SYMPK: variants seen among roughly 807,000 people sequenced by gnomAD.
The protein encoded by SYMPK is symplekin.
SYMPK carries 49 observed loss-of-function variants against 136.4 expected under a neutral mutation model. The ratio of observed to expected loss-of-function variants is 0.36; its 90% CI spans 0.29 to 0.46. The LOEUF is 0.46. Ranked by LOEUF, SYMPK falls within the 20% of genes least tolerant of loss-of-function variation. The pLI is 1.00. For synonymous variants in SYMPK, 766 were observed against 713.0 expected, an observed-to-expected ratio of 1.07 and a Z score of -1.19; for missense variants, 1,365 against 1,690.0, an observed-to-expected ratio of 0.81 and a Z score of 3.37.
At chr19:45,830,259 G>T (rs898998389) in intron 12 of SYMPK, 55 bp from the exon 13 acceptor site, 14 of 1,556,172 alleles carry the variant, frequency 9.0e-6, no homozygotes. Context: ...GCAAAGGCCT[G>T]TCTGGTGACT....
In SYMPK at chr19:45,817,417, C is replaced by T. The variant is rs1172459923; in HGVS notation, c.3082-443G>A. Among the ~76,000 whole-genome samples, 175 of 108,460 alleles carry T rather than the reference C, an allele frequency of 1.6e-3. 1 individual carries two copies. The highest frequency in any genetic ancestry group is 5.7e-3 in the African/African-American group (160 of 28,258). 71.2% of individuals were successfully genotyped at this position (108,460 alleles called of 152,430 possible). ...CTGCGGGGTTTGGTTTTTTTGTTCT[C>T]TTTTTTTTTTTTTTTTTTTTTTTTT... On this transcript the variant is annotated intron_variant, in intron 23 of 26. Transcript: ENST00000245934.
At chr19:45,824,254 G>A (rs766578428) in intron 18 of SYMPK, 43 of 221,656 alleles carry the variant, frequency 1.9e-4, no homozygotes, top group Non-Finnish European at 3.4e-4. Flanking sequence ...TTGGCTGCGA[G>A]CCCAGACCAG....
chr19:45,816,383 A>G, intron 25 of SYMPK, 99 bp downstream of exon 25: 1 of 1,446,628 alleles, frequency 6.9e-7, no homozygotes, highest in East Asian at 2.5e-5. Context: ...GGGTGGCCTG[A>G]GTCTCTCGGG....
Position 45,835,163 on chromosome 19 carries a change from G to A in SYMPK, c.1308C>T (p.Pro436=), listed in dbSNP as rs373331129. 39 of 1,613,372 alleles carry A rather than the reference G, an allele frequency of 2.4e-5. No individual in the cohort carries two copies. The highest frequency in any genetic ancestry group is 6.7e-5 in the Admixed American group (4 of 59,978). Residue 436 remains proline, a synonymous_variant, in exon 11 of 27, where the codon CCC becomes CCT. Transcript: ENST00000245934. ...GGGCTTCCGTGCCTGCTGACTCCAC[G>A]GGGGTGTAGATGGCCTGGAAGGAGG... ...MPASFQAIYT[P]VESAGTEAQI... is the part of the protein sequence containing the mutation.
At chr19:45,835,946 C>G (rs77904254) in intron 10 of SYMPK, among the ~76,000 whole-genome samples, 5 of 122,082 alleles carry the variant, frequency 4.1e-5, no homozygotes, top group African/African-American at 1.5e-4. Context: ...AGAAAGAAAG[C>G]AAAAAGAGGT....
chr19:45,860,831 C>T (rs1175611365), intron 1 of SYMPK, among the ~76,000 whole-genome samples: 1 of 152,168 alleles, frequency 6.6e-6, no homozygotes, highest in Non-Finnish European at 1.5e-5. Flanking sequence ...AGAAGGGTTT[C>T]GCCATGTTGC....
intron 10 of SYMPK, among the ~76,000 whole-genome samples, 180 bp downstream of exon 10, chr19:45,838,281 C>G (rs1202388350): frequency 1.3e-5 from 2 of 152,038 alleles, no homozygotes; most frequent in African/African-American, 4.8e-5. Flanking sequence ...AGAAGCTAAG[C>G]AGATGCCAGC....
At chr19:45,833,897 A>G (rs1016304221) in intron 11 of SYMPK, among the ~76,000 whole-genome samples, 1 of 152,156 alleles carries the variant, frequency 6.6e-6, no homozygotes. Flanking sequence ...CACGCCTGTA[A>G]TCCCAGCACT....
intron 5 of SYMPK, among the ~76,000 whole-genome samples, chr19:45,852,045 C>T (rs562859277): frequency 1.3e-5 from 2 of 152,324 alleles, no homozygotes; most frequent in African/African-American, 4.8e-5. Context: ...GATTGACAAA[C>T]GGTCAGATGC....
intron 19 of SYMPK, 59 bp from the exon 20 acceptor site, chr19:45,823,531 G>A: frequency 6.6e-7 from 1 of 1,519,188 alleles, no homozygotes; most frequent in Non-Finnish European, 9.1e-7. Context: ...GGGAAAGGGT[G>A]GGCACCCAGG....
Position 45,847,844 on chromosome 19 carries a change from G to A in SYMPK, c.584C>T (p.Ser195Leu), listed in dbSNP as rs1442681205. 1 of 1,614,078 alleles carries A rather than the reference G, an allele frequency of 6.2e-7. No individual in the cohort carries two copies. ...KFVEGLIVTL[S>L]PRMADSEIPR... Reference sequence around the variant, plus strand: ...TATCTCTGAGTCAGCCATGCGGGGTGACAGGGTGACAATGAGGCCCTCCAC... The same window carrying A: ...TATCTCTGAGTCAGCCATGCGGGGTAACAGGGTGACAATGAGGCCCTCCAC... The change falls in exon 7 of 27, where the codon TCA becomes TTA. Residue 195 changes from serine to leucine, a missense_variant. Ser to Leu is a moderately radical substitution (Grantham distance 145). Transcript: ENST00000245934.
At position 45,847,791 on chromosome 19, in the gene SYMPK, G is replaced by A. The variant is rs763243357; in HGVS notation, c.637C>T (p.Leu213=). Residue 213 remains leucine (L), a synonymous_variant, in exon 7 of 27, where the codon CTG becomes TTG. Transcript: ENST00000245934. ...IPRRQEHDIS[L]DRIPRDHPYI... ...GGGTGGTCACGAGGGATGCGGTCCA[G>A]GCTGATATCATGCTCCTGGCGTCGG... The A allele has an allele frequency of 3.7e-6, 6 of 1,614,110 alleles. No individual in the cohort carries two copies. The South Asian group carries it at 5.5e-5, about 15-fold the overall frequency.
In SYMPK at chr19:45,827,570, C is replaced by T. The variant is rs774467708; in HGVS notation, c.2121G>A (p.Pro707=). The T allele has an allele frequency of 8.7e-6, 14 of 1,614,062 alleles. No homozygotes were observed. The highest frequency in any genetic ancestry group is 2.2e-5 in the South Asian group (2 of 91,080). Residue 707 remains proline, a synonymous_variant, in exon 16 of 27, where the codon CCG becomes CCA. Transcript: ENST00000245934. ...STLRDLIFKR[P]SRQFQYLHVL... ...CATGCAGGTACTGGAACTGGCGGGA[C>T]GGGCGCTTGAAGATCAGGTCTCGAA...
chr19:45,822,236 A>G (rs1312480659), intron 21 of SYMPK, among the ~76,000 whole-genome samples: 2 of 147,870 alleles, frequency 1.4e-5, no homozygotes, highest in African/African-American at 5.0e-5. Context: ...CTCCTGCCTC[A>G]GCCTCCCGAG....
In SYMPK at chr19:45,816,024, G is replaced by GGGAGGAAGAGGA; in HGVS notation, c.3502_3513dup (p.Ser1168_Ser1171dup). 6.3e-7 allele frequency: 1 copy of GGGAGGAAGAGGA among 1,589,844 alleles called. No homozygotes were observed. Among genetic ancestry groups the GGGAGGAAGAGGA allele is most frequent in the Non-Finnish European group, 8.6e-7 (1 of 1,168,176 alleles). On this transcript the variant is annotated inframe_insertion, in exon 26 of 27. Coordinates refer to ENST00000245934, the MANE Select transcript of SYMPK (RefSeq NM_004819.3). ...GGCCGGGCCGACGGAGAGGGAGAGG[G>GGGAGGAAGAGGA]GGAGGAAGAGGAGGGGGCTCCCACT...
intron 23 of SYMPK, 64 bp from the exon 24 acceptor site, chr19:45,817,038 T>TG: frequency 6.7e-7 from 1 of 1,492,404 alleles, no homozygotes; most frequent in Non-Finnish European, 9.0e-7. Flanking sequence ...GCCTTGACAC[T>TG]GGGAGAAAGA....
intron 22 of SYMPK, among the ~76,000 whole-genome samples, 177 bp from the exon 23 acceptor site, chr19:45,818,323 C>T (rs558780614): frequency 2.0e-5 from 3 of 152,286 alleles, no homozygotes; most frequent in East Asian, 1.9e-4. Context: ...CTGCAAGCCC[C>T]GCCCTTGGAA....
Position 45,815,421 on chromosome 19 carries a change from C to A in SYMPK, c.*139G>T. The A allele has an allele frequency of 1.2e-6, 1 of 812,128 alleles. No homozygotes were observed. 50.3% of individuals were successfully genotyped at this position (812,128 alleles called of 1,614,324 possible). A position where few individuals can be genotyped will look rare whatever the true frequency, so the allele number is the denominator to read the frequency against. On this transcript the variant is annotated 3_prime_UTR_variant, in exon 27 of 27. Coordinates refer to ENST00000245934, the MANE Select transcript of SYMPK (RefSeq NM_004819.3). ...GCACCCGCGCCCCAGGCCCGCCATC[C>A]CTTTTTTTTTTTCTTTTCAGTAACT...
chr19:45,817,690 C>T (rs938886702), intron 23 of SYMPK, among the ~76,000 whole-genome samples: 6 of 152,174 alleles, frequency 3.9e-5, no homozygotes, highest in Non-Finnish European at 5.9e-5. Flanking sequence ...GGGCACACAG[C>T]GGTGGAGGGT....
Sources: allele counts gnomAD v4.1 joint callset (sites outside exome capture counted in the v4.1 genomes callset), GRCh38; gene constraint gnomAD v4.1.1; transcripts MANE v1.5; gene names NCBI Gene and HGNC (gene_info 2026-07-23, HGNC 2026-07-21).